Variants in COL21A1 observed in about 807,000 individuals in gnomAD.
COL21A1 encodes the protein collagen alpha-1(XXI) chain.
Under a neutral mutation model 137.9 loss-of-function variants are expected in COL21A1, and 149 were observed. The observed-to-expected ratio is 1.08, with a 90% CI of 0.95 to 1.24. COL21A1 has a LOEUF of 1.24. Ranked by LOEUF, COL21A1 falls within the 50% of genes most tolerant of loss-of-function variation. COL21A1 has a pLI of 0.00. For missense variants in COL21A1, 1,167 were observed against 1,158.4 expected (o/e 1.01, Z -0.11); for synonymous variants, 456 against 391.5 (o/e 1.16, Z -1.95).
intron 20 of COL21A1, among the ~76,000 whole-genome samples, chr6:56,073,945 T>C (rs759488717): frequency 1.3e-5 from 2 of 151,156 alleles, no homozygotes; most frequent in Non-Finnish European, 3.0e-5. Flanking sequence ...CTGAGCTCTA[T>C]AGAGCTCTAG....
At chr6:56,379,670 G>C (rs2094005608) in intron 1 of COL21A1, among the ~76,000 whole-genome samples, 1 of 152,076 alleles carries the variant, frequency 6.6e-6, no homozygotes, top group South Asian at 2.1e-4. Context: ...AGAGTACTCT[G>C]GTATCCCCAA....
intron 1 of COL21A1, among the ~76,000 whole-genome samples, chr6:56,204,332 C>A (rs1408440051): frequency 6.6e-6 from 1 of 152,220 alleles, no homozygotes; most frequent in African/African-American, 2.4e-5. Context: ...GTGGTTTAAC[C>A]CTCACAGTGT....
intron 17 of COL21A1, among the ~76,000 whole-genome samples, chr6:56,081,162 G>C (rs898482382): frequency 6.6e-6 from 1 of 151,750 alleles, no homozygotes; most frequent in Non-Finnish European, 1.5e-5. Context: ...CCTGACCTTT[G>C]AAAGTTGTGA....
At chr6:56,218,787 TGTACA>T (rs1780643448) in intron 1 of COL21A1, among the ~76,000 whole-genome samples, 1 of 152,012 alleles carries the variant, frequency 6.6e-6, no homozygotes, top group African/African-American at 2.4e-5. Context: ...TGCTAATGAA[TGTACA>T]GTGCAGTGGT....
At chr6:56,159,099 T>A (rs1776005020) in intron 9 of COL21A1, among the ~76,000 whole-genome samples, 1 of 152,136 alleles carries the variant, frequency 6.6e-6, no homozygotes, top group Non-Finnish European at 1.5e-5. Context: ...TTTCAAGAAA[T>A]TCCATGTTTT....
intron 1 of COL21A1, among the ~76,000 whole-genome samples, chr6:56,346,954 C>T (rs1484278042): frequency 6.6e-6 from 1 of 152,144 alleles, no homozygotes; most frequent in African/African-American, 2.4e-5. Context: ...TAGCACTCAG[C>T]AGTCCCTGCC....
chr6:56,067,898 A>G (rs1433101452), intron 22 of COL21A1, among the ~76,000 whole-genome samples: 1 of 151,640 alleles, frequency 6.6e-6, no homozygotes, highest in African/African-American at 2.4e-5. Context: ...AGATAATGAA[A>G]CAGCCAGTTA....
chr6:56,218,190 C>A (rs548895122), intron 1 of COL21A1, among the ~76,000 whole-genome samples: 1 of 151,994 alleles, frequency 6.6e-6, no homozygotes, highest in East Asian at 1.9e-4. Flanking sequence ...TCAAACTTTG[C>A]TGAATTACCT....
chr6:56,078,032 A>G, intron 17 of COL21A1: 1 of 454,390 alleles, frequency 2.2e-6, no homozygotes, highest in South Asian at 1.6e-5. Context: ...GCCTTGAAAT[A>G]CCCAAGAACC....
rs1318795247 is a variant in COL21A1 at position 56,130,803 on chromosome 6, A to G, written c.1543-4654T>C. Reference sequence around the variant, plus strand: ...AGAGAGCGAGCAGCAACAAGTTGTCAGCAAAACTGTTGGGGAATATTGAAA... The same window carrying G: ...AGAGAGCGAGCAGCAACAAGTTGTCGGCAAAACTGTTGGGGAATATTGAAA... On this transcript the variant is annotated intron_variant, in intron 12 of 29. Coordinates refer to ENST00000244728, the MANE Select transcript of COL21A1 (RefSeq NM_030820.4). Among the ~76,000 whole-genome samples, 4 of 152,340 alleles carry G rather than the reference A, an allele frequency of 2.6e-5. No homozygotes were observed. In the East Asian group the frequency reaches 7.7e-4, roughly 29 times the overall value.
intron 1 of COL21A1, among the ~76,000 whole-genome samples, chr6:56,197,391 G>A (rs1484117024): frequency 2.0e-5 from 3 of 152,026 alleles, no homozygotes; most frequent in Non-Finnish European, 2.9e-5. Flanking sequence ...TTTATGCACA[G>A]CAAAGGAAAC....
At chr6:56,067,480 C>T (rs12209529) in intron 22 of COL21A1, 150 bp from the exon 23 acceptor site, 73,428 of 540,412 alleles carry the variant, frequency 0.14, 5,549 homozygotes, top group Middle Eastern at 0.16. Flanking sequence ...TAACACAATA[C>T]TTGGGAAGGG....
At chr6:56,121,713 T>TG (rs1772551350) in intron 16 of COL21A1, among the ~76,000 whole-genome samples, 1 of 151,686 alleles carries the variant, frequency 6.6e-6, no homozygotes, top group Non-Finnish European at 1.5e-5. Flanking sequence ...ATGTTGATCA[T>TG]GGGAGAGCCT....
chr6:56,071,475 A>G (rs146874611), intron 20 of COL21A1, among the ~76,000 whole-genome samples: 45 of 151,678 alleles, frequency 3.0e-4, no homozygotes, highest in East Asian at 2.9e-3. Context: ...TCACAACCCA[A>G]TGTCTGGCAA....
intron 21 of COL21A1, among the ~76,000 whole-genome samples, chr6:56,070,158 T>C (rs2114091432): frequency 6.6e-6 from 1 of 151,710 alleles, no homozygotes; most frequent in South Asian, 2.1e-4. Context: ...TCGTTTTGTG[T>C]TTTACCGTTA....
chr6:56,303,266 G>A (rs149083120), intron 1 of COL21A1, among the ~76,000 whole-genome samples: 2,053 of 152,302 alleles, frequency 0.013, 22 homozygotes, highest in Non-Finnish European at 0.021. Flanking sequence ...ATTCTGTGAA[G>A]CAAGTCACAA....
chr6:56,270,628 G>A (rs1763503260), intron 1 of COL21A1, among the ~76,000 whole-genome samples: 1 of 152,172 alleles, frequency 6.6e-6, no homozygotes, highest in Non-Finnish European at 1.5e-5. Context: ...AAACATCCTG[G>A]TATGTTTCTC....
chr6:56,098,016 T>C (rs1445345810), intron 17 of COL21A1, among the ~76,000 whole-genome samples: 1 of 80,796 alleles, frequency 1.2e-5, no homozygotes, highest in African/African-American at 5.6e-5. Flanking sequence ...TATATAAATA[T>C]ATATAAATAT....
At chr6:56,093,629 C>T (rs919862009) in intron 17 of COL21A1, among the ~76,000 whole-genome samples, 2 of 152,134 alleles carry the variant, frequency 1.3e-5, no homozygotes, top group African/African-American at 4.8e-5. Context: ...GCCTTGGAAC[C>T]ACTATTCTTT....
Sources: gnomAD v4.1 joint callset for allele counts (sites outside exome capture counted in the v4.1 genomes callset) on GRCh38, gnomAD v4.1.1 for gene constraint, MANE v1.5 for transcripts, NCBI Gene and HGNC (gene_info 2026-07-23, HGNC 2026-07-21) for gene names.